Variants in NTM observed in about 807,000 individuals in gnomAD.
NTM encodes the protein IgLON family member 2.
In NTM, 13 loss-of-function variants were observed where a neutral mutation model predicts 42.1. The observed-to-expected ratio is 0.31, with a 90% CI of 0.20 to 0.49. The LOEUF (loss-of-function observed/expected upper bound fraction) is 0.49, where lower values mean the gene tolerates loss of function less well. Among genes scored for constraint, NTM ranks in the 20% least tolerant of loss-of-function variants. The probability of loss-of-function intolerance (pLI) is 0.99; values close to 1 mark genes in which losing one functional copy is unlikely to be tolerated. For synonymous variants in NTM, 187 were observed against 179.2 expected, an observed-to-expected ratio of 1.04 and a Z score of -0.35; for missense variants, 373 against 452.8, an observed-to-expected ratio of 0.82 and a Z score of 1.60.
At chr11:131,794,975 A>G in intron 1 of NTM, 1 of 985,140 alleles carries the variant, frequency 1.0e-6, no homozygotes, top group Non-Finnish European at 1.2e-6. Flanking sequence ...TCCTCACTGG[A>G]GGGGCAGCCT....
chr11:131,439,946 T>TG (rs1949475919), intron 1 of NTM, among the ~76,000 whole-genome samples: 1 of 150,820 alleles, frequency 6.6e-6, no homozygotes, highest in Non-Finnish European at 1.5e-5. Context: ...TCTTAGGCTT[T>TG]TTTTTTTTTT....
intron 1 of NTM, among the ~76,000 whole-genome samples, chr11:131,698,623 G>C (rs530282567): frequency 6.6e-6 from 1 of 152,270 alleles, no homozygotes; most frequent in African/African-American, 2.4e-5. Flanking sequence ...AAGAGGACTA[G>C]GAGAAAGCCA....
rs58560034 is a variant in NTM at position 132,298,893 on chromosome 11, TACAC to T, written c.527-8781_527-8778del. Among the ~76,000 whole-genome samples, 387 of 151,278 alleles carry T rather than the reference TACAC, an allele frequency of 2.6e-3. 1 individual carries two copies. Among genetic ancestry groups the T allele is most frequent in the African/African-American group, 7.8e-3 (322 of 41,332 alleles). On this transcript the variant is annotated intron_variant, in intron 4 of 8. Coordinates refer to ENST00000683400, the MANE Select transcript of NTM (RefSeq NM_001352005.2). ...ATTGATAGACACATATATGTGTGTA[TACAC>T]ACACACACACACACGAAATTTATAG...
chr11:132,286,265 C>T (rs771864247), intron 4 of NTM, among the ~76,000 whole-genome samples: 8 of 152,244 alleles, frequency 5.3e-5, no homozygotes, highest in East Asian at 3.9e-4. Context: ...AAAACATAAA[C>T]GAGTCTGGCC....
intron 1 of NTM, among the ~76,000 whole-genome samples, chr11:131,699,606 G>T (rs1179947987): frequency 4.6e-5 from 7 of 152,120 alleles, no homozygotes; most frequent in Non-Finnish European, 1.0e-4. Flanking sequence ...AAGGAAAGAG[G>T]TTTAGTTGAC....
chr11:131,503,698 C>CT (rs35447251), intron 1 of NTM, among the ~76,000 whole-genome samples: 46,461 of 151,160 alleles, frequency 0.31, 7,289 homozygotes, highest in African/African-American at 0.37. Flanking sequence ...AATTGTTTCT[C>CT]TTTTTTTTGT....
At chr11:131,502,021 A>G (rs895492283) in intron 1 of NTM, among the ~76,000 whole-genome samples, 3 of 152,126 alleles carry the variant, frequency 2.0e-5, no homozygotes, top group African/African-American at 7.2e-5. Context: ...TTGGAGTTCA[A>G]GGGAATGGTG....
intron 2 of NTM, among the ~76,000 whole-genome samples, chr11:131,986,973 G>T (rs2066166023): frequency 6.6e-6 from 1 of 152,188 alleles, no homozygotes; most frequent in South Asian, 2.1e-4. Flanking sequence ...ATGTGTCAGT[G>T]TTAACCAAGA....
intron 2 of NTM, among the ~76,000 whole-genome samples, chr11:132,104,663 T>G (rs188181675): frequency 1.3e-5 from 2 of 149,620 alleles, no homozygotes; most frequent in Non-Finnish European, 3.0e-5. Flanking sequence ...TAGTCCCAGC[T>G]ACTCAGGAGG....
intron 2 of NTM, among the ~76,000 whole-genome samples, chr11:132,090,954 T>G (rs2060305311): frequency 6.6e-6 from 1 of 152,208 alleles, no homozygotes; most frequent in African/African-American, 2.4e-5. Context: ...TCTGTCCCTG[T>G]TTTTCTATTC....
At position 131,998,635 on chromosome 11, in the gene NTM, C is replaced by T. The variant is rs192429272; in HGVS notation, c.167+86987C>T. Among the ~76,000 whole-genome samples the T allele has an allele frequency of 1.6e-4, 24 of 152,208 alleles. No individual in the cohort carries two copies. The East Asian group carries it at 2.3e-3, about 15-fold the overall frequency. On this transcript the variant is annotated intron_variant, in intron 2 of 8. Transcript: ENST00000683400. ...GTTAGAGAGACACAATCTCATACTC[C>T]GTCGGTCACCCTGGCCACAGGTACT...
intron 1 of NTM, among the ~76,000 whole-genome samples, chr11:131,420,102 A>G (rs184387558): frequency 7.0e-4 from 106 of 152,316 alleles, no homozygotes; most frequent in African/African-American, 2.5e-3. Flanking sequence ...ATTTGTCCCT[A>G]AGGGTGTCTA....
intron 3 of NTM, among the ~76,000 whole-genome samples, chr11:132,199,590 G>A (rs2080840872): frequency 6.6e-6 from 1 of 152,130 alleles, no homozygotes; most frequent in Non-Finnish European, 1.5e-5. Context: ...ATTCCTTCCT[G>A]AGTGATACCG....
intron 3 of NTM, among the ~76,000 whole-genome samples, chr11:132,179,377 A>C (rs559174377): frequency 2.6e-5 from 4 of 152,166 alleles, no homozygotes; most frequent in African/African-American, 9.7e-5. Context: ...TTTACAGTGA[A>C]TAATGGTTGA....
At chr11:131,752,019 C>T (rs2082621981) in intron 1 of NTM, among the ~76,000 whole-genome samples, 1 of 152,096 alleles carries the variant, frequency 6.6e-6, no homozygotes, top group Admixed American at 6.5e-5. Context: ...TATTTTAATA[C>T]TCAATTGACC....
intron 1 of NTM, among the ~76,000 whole-genome samples, chr11:131,579,054 C>A (rs977782295): frequency 6.6e-6 from 1 of 152,158 alleles, no homozygotes. Flanking sequence ...GTCCAGCTAA[C>A]AATTGATGGG....
intron 2 of NTM, among the ~76,000 whole-genome samples, chr11:132,116,349 AT>A (rs2063894988): frequency 6.6e-6 from 1 of 152,168 alleles, no homozygotes; most frequent in Non-Finnish European, 1.5e-5. Flanking sequence ...CTGCCCATAG[AT>A]AGTACCCAAA....
intron 2 of NTM, among the ~76,000 whole-genome samples, chr11:132,101,336 A>G (rs2061591233): frequency 6.6e-6 from 1 of 152,096 alleles, no homozygotes; most frequent in Non-Finnish European, 1.5e-5. Flanking sequence ...ACATCACTCT[A>G]CCTCATCTAT....
intron 1 of NTM, among the ~76,000 whole-genome samples, chr11:131,662,874 A>G (rs1303205885): frequency 1.3e-5 from 2 of 152,152 alleles, no homozygotes. Context: ...GTCCCTCAGA[A>G]TTTCCCATTA....
Sources: allele counts gnomAD v4.1 joint callset (sites outside exome capture counted in the v4.1 genomes callset), GRCh38; gene constraint gnomAD v4.1.1; transcripts MANE v1.5; gene names NCBI Gene and HGNC (gene_info 2026-07-23, HGNC 2026-07-21).